RUFY4: variants seen among roughly 807,000 people sequenced by gnomAD.
RUFY4 encodes RUN and FYVE domain containing 4.
RUFY4 carries 73 observed loss-of-function variants against 69.0 expected under a neutral mutation model. The ratio of observed to expected loss-of-function variants is 1.06; its 90% confidence interval spans 0.88 to 1.29. The LOEUF is 1.29. Among genes scored for constraint, RUFY4 ranks in the 50% most tolerant of loss-of-function variants. The probability of loss-of-function intolerance (pLI) is 0.00; values close to 1 mark genes in which losing one functional copy is unlikely to be tolerated. For synonymous variants in RUFY4, 287 were observed against 271.8 expected (o/e 1.06, Z -0.55); for missense variants, 770 against 705.6 (o/e 1.09, Z -1.03).
chr2:218,075,325 A>G, exon 7 of RUFY4: 1 of 1,610,274 alleles, frequency 6.2e-7, no homozygotes, highest in Non-Finnish European at 8.5e-7. Context: ...CTAGACCAGG[A>G]GGAAAGAGCC....
At chr2:218,041,510 C>T (rs1476750995) in intron 2 of RUFY4, among the ~76,000 whole-genome samples, 5 of 151,912 alleles carry the variant, frequency 3.3e-5, no homozygotes, top group African/African-American at 1.2e-4. Flanking sequence ...CTGGGCAGTT[C>T]CAAACCAGAA....
At chr2:218,044,082 C>G (rs1336738146) in intron 2 of RUFY4, among the ~76,000 whole-genome samples, 1 of 152,192 alleles carries the variant, frequency 6.6e-6, no homozygotes, top group African/African-American at 2.4e-5. Context: ...AGGAGCAGGC[C>G]CTTCTGAGCC....
At chr2:218,057,724 C>T (rs6436024) in intron 2 of RUFY4, among the ~76,000 whole-genome samples, 9,872 of 152,290 alleles carry the variant, frequency 0.065, 1,027 homozygotes, top group African/African-American at 0.22. Flanking sequence ...AACCAGTCAT[C>T]TGTTTTCAGT....
At chr2:218,078,578 A>G (rs573270699) in intron 8 of RUFY4, among the ~76,000 whole-genome samples, 1 of 152,368 alleles carries the variant, frequency 6.6e-6, no homozygotes, top group Middle Eastern at 3.4e-3. Context: ...GATGGGAGCC[A>G]CTGAGAGCTC....
intron 7 of RUFY4, 120 bp downstream of exon 9, chr2:218,075,860 C>A: frequency 9.7e-7 from 1 of 1,033,436 alleles, no homozygotes; most frequent in Non-Finnish European, 1.3e-6. Context: ...TATTGGCCCA[C>A]TCAGGATTAT....
exon 7 of RUFY4, chr2:218,075,296 A>G: frequency 6.2e-7 from 1 of 1,604,454 alleles, no homozygotes; most frequent in South Asian, 1.1e-5. Flanking sequence ...TGTGGGAGCC[A>G]GAAGGGAAGG....
At chr2:218,060,542 G>A (rs1574501002) in intron 3 of RUFY4, 2 of 1,298,314 alleles carry the variant, frequency 1.5e-6, no homozygotes, top group East Asian at 4.6e-5. Flanking sequence ...TCCAGGGCCT[G>A]GTTGATGTCG....
chr2:218,050,098 A>G (rs1224297763), intron 2 of RUFY4, among the ~76,000 whole-genome samples: 4 of 152,124 alleles, frequency 2.6e-5, no homozygotes, highest in African/African-American at 9.7e-5. Context: ...CTTTTAACCA[A>G]TCAAAGGTGT....
chr2:218,052,995 T>C (rs1410779374), intron 2 of RUFY4, among the ~76,000 whole-genome samples: 2 of 152,138 alleles, frequency 1.3e-5, no homozygotes, highest in Non-Finnish European at 2.9e-5. Context: ...AGGCTCACCC[T>C]GTCACCCAGG....
intron 2 of RUFY4, among the ~76,000 whole-genome samples, chr2:218,057,091 AAAAG>A (rs1689081430): frequency 1.3e-5 from 2 of 152,042 alleles, no homozygotes; most frequent in Admixed American, 6.5e-5. Context: ...AAAAAAAAAA[AAAAG>A]AGAGAGAGAA....
chr2:218,044,882 A>C (rs1309540656), intron 2 of RUFY4, among the ~76,000 whole-genome samples: 1 of 152,176 alleles, frequency 6.6e-6, no homozygotes, highest in Non-Finnish European at 1.5e-5. Flanking sequence ...TGCTATTGTG[A>C]ATAGTGCTGC....
At chr2:218,079,520 G>A (rs537632108) in intron 8 of RUFY4, among the ~76,000 whole-genome samples, 5 of 152,262 alleles carry the variant, frequency 3.3e-5, no homozygotes, top group Admixed American at 2.6e-4. Context: ...TGAGATACCT[G>A]TTAGACATGT....
At chr2:218,088,695 G>A (rs1689950654) in intron 9 of RUFY4, among the ~76,000 whole-genome samples, 1 of 152,144 alleles carries the variant, frequency 6.6e-6, no homozygotes, top group Admixed American at 6.5e-5. Flanking sequence ...GCAAAGAGGA[G>A]GCCAGGTGTC....
exon 7 of RUFY4, chr2:218,075,185 G>T: frequency 1.9e-6 from 3 of 1,557,608 alleles, no homozygotes; most frequent in Non-Finnish European, 2.6e-6. Context: ...CCAGTGGACA[G>T]CAGCTGGCAG....
At chr2:218,042,263 G>C (rs1194737694) in intron 2 of RUFY4, among the ~76,000 whole-genome samples, 3 of 152,224 alleles carry the variant, frequency 2.0e-5, no homozygotes, top group Non-Finnish European at 4.4e-5. Context: ...AAAGGAGGTA[G>C]TGCCTGATTA....
intron 2 of RUFY4, among the ~76,000 whole-genome samples, chr2:218,047,060 AGTTT>A (rs1315426539): frequency 6.7e-6 from 1 of 149,728 alleles, no homozygotes; most frequent in East Asian, 1.9e-4. Flanking sequence ...AAAAAAAAAA[AGTTT>A]AGCTCTTTTA....
At chr2:218,079,267 G>A (rs566830259) in intron 8 of RUFY4, among the ~76,000 whole-genome samples, 3 of 152,346 alleles carry the variant, frequency 2.0e-5, no homozygotes, top group African/African-American at 4.8e-5. Flanking sequence ...GAGAGTTGGG[G>A]TGCTCAGACT....
At chr2:218,071,980 T>C (rs1324297323) in intron 2 of RUFY4, among the ~76,000 whole-genome samples, 4 of 152,100 alleles carry the variant, frequency 2.6e-5, no homozygotes, top group African/African-American at 7.2e-5. Flanking sequence ...GTAGGTGTCT[T>C]GAGGAGAATG....
At chr2:218,062,088 T>G (rs1010551219) in intron 3 of RUFY4, among the ~76,000 whole-genome samples, 2 of 152,154 alleles carry the variant, frequency 1.3e-5, no homozygotes, top group African/African-American at 4.8e-5. Flanking sequence ...GTGTGTGTAC[T>G]TTGGAAAAGT....
Sources: gnomAD v4.1 joint callset for allele counts (sites outside exome capture counted in the v4.1 genomes callset) on GRCh38, gnomAD v4.1.1 for gene constraint, MANE v1.5 for transcripts, NCBI Gene and HGNC (gene_info 2026-07-23, HGNC 2026-07-21) for gene names.